The following KLF13 variants were observed in gnomAD, a reference collection of about 807,000 sequenced individuals.
KLF13 encodes Krueppel-like factor 13.
In KLF13, 8 loss-of-function variants were observed where a neutral mutation model predicts 16.7. That is an observed-to-expected ratio of 0.48 (90% CI 0.28 to 0.87). The LOEUF is 0.87. Ranked by LOEUF, KLF13 falls within the 40% of genes least tolerant of loss-of-function variation. The probability of loss-of-function intolerance (pLI) is 0.10; values close to 1 mark genes in which losing one functional copy is unlikely to be tolerated. For missense variants in KLF13, 447 were observed against 452.2 expected, an observed-to-expected ratio of 0.99 and a Z score of 0.10; for synonymous variants, 245 against 208.4, an observed-to-expected ratio of 1.18 and a Z score of -1.51.
chr15:31,406,631 C>T (rs904581022), downstream of KLF13, among the ~76,000 whole-genome samples: 12 of 152,216 alleles, frequency 7.9e-5, no homozygotes, highest in Non-Finnish European at 1.5e-4. Context: ...TAAATTTATT[C>T]TCTTACAGCT....
Position 31,372,639 on chromosome 15 carries a change from G to T in KLF13, c.*340G>T. On this transcript the variant is annotated 3_prime_UTR_variant, in exon 2 of 2. Coordinates refer to ENST00000307145, the MANE Select transcript of KLF13 (RefSeq NM_015995.4). ...ATTTGCACTCTGGAGTTTTCTGTTA[G>T]GTTCGGGAACACGCTGGGGACAGAG... 3.8e-6 allele frequency: 1 copy of T among 263,954 alleles called. No individual in the cohort carries two copies. Among genetic ancestry groups the T allele is most frequent in the Non-Finnish European group, 7.1e-6 (1 of 140,550 alleles). 16.4% of individuals were successfully genotyped at this position (263,954 alleles called of 1,614,324 possible). A position where few individuals can be genotyped will look rare whatever the true frequency, so the allele number is the denominator to read the frequency against.
intron 1 of KLF13, among the ~76,000 whole-genome samples, chr15:31,338,293 TGTGA>T (rs2038963845): frequency 1.3e-5 from 2 of 152,240 alleles, no homozygotes; most frequent in African/African-American, 4.8e-5. Flanking sequence ...TGGACATTTA[TGTGA>T]GTGTGTGCAC....
At chr15:31,351,149 T>C (rs1228599814) in intron 1 of KLF13, among the ~76,000 whole-genome samples, 1 of 152,202 alleles carries the variant, frequency 6.6e-6, no homozygotes, top group Non-Finnish European at 1.5e-5. Flanking sequence ...CTTTTGGTGC[T>C]CTGGGCTGGG....
Position 31,327,512 on chromosome 15 carries a change from G to A in KLF13, c.300G>A (p.Pro100=), listed in dbSNP as rs1471034200. The part of the protein sequence containing the change: ...RKARTPCRLP[P]PAPEPTSPGA... ...CGAGGACCCCCTGCCGCCTGCCGCC[G>A]CCCGCCCCCGAGCCCACCTCCCCCG... The change falls in exon 1 of 2, where the codon CCG becomes CCA. Residue 100 remains proline, a synonymous_variant. Transcript: ENST00000307145. The A allele has an allele frequency of 2.0e-5, 23 of 1,132,390 alleles. No homozygotes were observed. Among genetic ancestry groups the A allele is most frequent in the Admixed American group, 4.9e-5 (1 of 20,242 alleles). 70.1% of individuals were successfully genotyped at this position (1,132,390 alleles called of 1,614,324 possible).
At chr15:31,424,256 CAA>C (rs1260185206) in intron 1 of KLF13, among the ~76,000 whole-genome samples, 1 of 152,036 alleles carries the variant, frequency 6.6e-6, no homozygotes, top group Non-Finnish European at 1.5e-5. Context: ...CAAAATTAGA[CAA>C]AGATACTACA....
downstream of KLF13, among the ~76,000 whole-genome samples, chr15:31,408,438 A>G (rs2040153664): frequency 6.6e-6 from 1 of 152,196 alleles, no homozygotes; most frequent in Non-Finnish European, 1.5e-5. Context: ...TGTCATCCTT[A>G]TGAGAAAGGG....
intron 2 of KLF13, among the ~76,000 whole-genome samples, chr15:31,398,161 A>G (rs1257309368): frequency 6.6e-6 from 1 of 152,206 alleles, no homozygotes; most frequent in African/African-American, 2.4e-5. Context: ...CACAAAGCAC[A>G]GGATGCTCCT....
chr15:31,419,631 A>G (rs2040298094), intron 1 of KLF13, among the ~76,000 whole-genome samples: 1 of 152,222 alleles, frequency 6.6e-6, no homozygotes, highest in East Asian at 1.9e-4. Flanking sequence ...AGGAACAAAA[A>G]GAATAAAGGA....
At position 31,384,440 on chromosome 15, in the gene KLF13, G is replaced by A. The variant is rs190506298; in HGVS notation, n.224-50930G>A. ...GTGAGGCTCCTTCTCAAAAACATAA[G>A]GACAGGTAAGAGACAGAACCAACTC... On this transcript the variant is annotated intron_variant and non_coding_transcript_variant, in intron 1 of 1. Coordinates refer to the KLF13 transcript ENST00000558921. 2.0e-3 allele frequency among the ~76,000 whole-genome samples: 306 copies of A among 152,242 alleles called. 1 individual carries two copies. The highest frequency in any genetic ancestry group is 7.2e-3 in the African/African-American group (299 of 41,536).
At chr15:31,427,187 A>G (rs1445063374) in intron 1 of KLF13, among the ~76,000 whole-genome samples, 1 of 152,070 alleles carries the variant, frequency 6.6e-6, no homozygotes, top group Non-Finnish European at 1.5e-5. Context: ...TCCCCCATCT[A>G]TCTATTATCC....
chr15:31,413,203 C>CAAAAAACAAAAAAAAAAAAAAAA (rs2040217033), intron 1 of KLF13, among the ~76,000 whole-genome samples: 1 of 130,240 alleles, frequency 7.7e-6, no homozygotes, highest in African/African-American at 3.0e-5. Flanking sequence ...AAAAAAAAAA[C>CAAAAAACAAAAAAAAAAAAAAAA]AAAAAACAAA....
At chr15:31,329,012 C>G (rs982046998) in intron 1 of KLF13, among the ~76,000 whole-genome samples, 1 of 152,110 alleles carries the variant, frequency 6.6e-6, no homozygotes, top group African/African-American at 2.4e-5. Flanking sequence ...TACCCTAGAG[C>G]TGAAGGCCCC....
intron 1 of KLF13, among the ~76,000 whole-genome samples, chr15:31,365,370 C>G (rs117135376): frequency 1.6e-3 from 238 of 152,234 alleles, no homozygotes; most frequent in African/African-American, 5.4e-3. Flanking sequence ...CAGGACCTCC[C>G]GGTAGGAGTT....
intron 1 of KLF13, among the ~76,000 whole-genome samples, chr15:31,415,127 C>T (rs752838940): frequency 4.6e-5 from 7 of 152,198 alleles, no homozygotes; most frequent in African/African-American, 9.6e-5. Flanking sequence ...TGTACACGTC[C>T]GCTCCCCTTT....
At chr15:31,420,630 T>G (rs1469361849) in intron 1 of KLF13, 3 of 408,190 alleles carry the variant, frequency 7.3e-6, no homozygotes, top group African/African-American at 2.1e-5. Context: ...AAGAAACCTA[T>G]TCAAAGCAGG....
chr15:31,418,778 G>A (rs536180538), intron 1 of KLF13, among the ~76,000 whole-genome samples: 2 of 152,188 alleles, frequency 1.3e-5, no homozygotes, highest in African/African-American at 2.4e-5. Context: ...TTTTTGTGTT[G>A]CTATAAAGAA....
intron 1 of KLF13, among the ~76,000 whole-genome samples, chr15:31,336,093 G>A (rs1055717369): frequency 5.9e-5 from 9 of 152,356 alleles, no homozygotes; most frequent in African/African-American, 2.2e-4. Context: ...CGACCCCAGC[G>A]TACACTGGAC....
intron 1 of KLF13, among the ~76,000 whole-genome samples, chr15:31,414,362 C>T (rs1300822568): frequency 6.6e-6 from 1 of 152,074 alleles, no homozygotes; most frequent in African/African-American, 2.4e-5. Context: ...AGACATAAAT[C>T]TAATTATATC....
chr15:31,401,840 G>C (rs1595500496), intron 2 of KLF13, among the ~76,000 whole-genome samples: 1 of 152,194 alleles, frequency 6.6e-6, no homozygotes, highest in South Asian at 2.1e-4. Flanking sequence ...AGTCCCAAGA[G>C]AACCAGCAGA....
Sources: allele counts gnomAD v4.1 joint callset (sites outside exome capture counted in the v4.1 genomes callset), GRCh38; gene constraint gnomAD v4.1.1; transcripts MANE v1.5; gene names NCBI Gene and HGNC (gene_info 2026-07-23, HGNC 2026-07-21).